NBEA: variants seen among roughly 807,000 people sequenced by gnomAD.
NBEA encodes the protein lysosomal-trafficking regulator 2.
In NBEA, 44 loss-of-function variants were observed where a neutral mutation model predicts 343.4. The observed-to-expected ratio is 0.13, with a 90% confidence interval of 0.10 to 0.16. The LOEUF is 0.16. NBEA is among the 10% of genes least tolerant of loss of function. NBEA has a pLI of 1.00. For missense variants in NBEA, 2,555 were observed against 3,631.3 expected (o/e 0.70, Z 7.62); for synonymous variants, 1,175 against 1,238.7 (o/e 0.95, Z 1.08).
rs534322353 is a variant in NBEA, at chr13:35,349,357, T to C, written c.6012+141T>C. The C allele has an allele frequency of 1.4e-5, 7 of 510,274 alleles. No homozygotes were observed. In the South Asian group the frequency reaches 2.6e-4, roughly 19 times the overall value. 31.6% of individuals were successfully genotyped at this position (510,274 alleles called of 1,614,324 possible). ...TGTTCCTGTTTTTTAAAAGCTTTAG[T>C]AAATGTCAAACAGAGTACTAATATA... On this transcript the variant is annotated intron_variant, in intron 37 of 58. Transcript: ENST00000379939.
intron 1 of NBEA, among the ~76,000 whole-genome samples, chr13:34,993,402 T>G (rs1424708293): frequency 6.6e-6 from 1 of 152,228 alleles, no homozygotes; most frequent in Non-Finnish European, 1.5e-5. Context: ...TAATGCAGTA[T>G]TTTTGTATTC....
chr13:35,100,108 A>G (rs1476126069), intron 11 of NBEA, among the ~76,000 whole-genome samples: 1 of 152,140 alleles, frequency 6.6e-6, no homozygotes, highest in Non-Finnish European at 1.5e-5. Flanking sequence ...CAATTGTTTT[A>G]CATTTGAAAT....
At chr13:35,324,080 T>G (rs2038368165) in intron 36 of NBEA, among the ~76,000 whole-genome samples, 1 of 152,162 alleles carries the variant, frequency 6.6e-6, no homozygotes, top group Admixed American at 6.5e-5. Flanking sequence ...GGCCTTTGCA[T>G]TTGTGGCTGG....
chr13:35,184,155 T>C, intron 30 of NBEA, 84 bp downstream of exon 30: 2 of 1,004,486 alleles, frequency 2.0e-6, no homozygotes, highest in Admixed American at 5.2e-5. Flanking sequence ...ATATACTTGT[T>C]TATAAATAAG....
At chr13:35,110,241 C>T (rs2066134089) in intron 12 of NBEA, among the ~76,000 whole-genome samples, 1 of 140,254 alleles carries the variant, frequency 7.1e-6, no homozygotes, top group Non-Finnish European at 1.5e-5. Flanking sequence ...AGCCAAAAAA[C>T]ACATGAAGAA....
intron 1 of NBEA, among the ~76,000 whole-genome samples, chr13:34,992,190 GTA>G (rs1207702052): frequency 9.1e-5 from 13 of 142,860 alleles, no homozygotes; most frequent in South Asian, 2.2e-4. Flanking sequence ...ATATGTGTGT[GTA>G]TATATATGTG....
intron 41 of NBEA, among the ~76,000 whole-genome samples, chr13:35,541,623 A>T (rs906924722): frequency 6.6e-6 from 1 of 152,028 alleles, no homozygotes; most frequent in African/African-American, 2.4e-5. Context: ...GAAACAATAA[A>T]TGTGGCTTTT....
At chr13:35,070,272 C>G (rs1187721098) in intron 9 of NBEA, among the ~76,000 whole-genome samples, 167 bp downstream of exon 9, 1 of 151,994 alleles carries the variant, frequency 6.6e-6, no homozygotes, top group African/African-American at 2.4e-5. Flanking sequence ...TTTTCTATAG[C>G]AATATACTCT....
chr13:35,446,557 G>C (rs981453993), intron 39 of NBEA, among the ~76,000 whole-genome samples: 12 of 152,088 alleles, frequency 7.9e-5, no homozygotes, highest in East Asian at 1.9e-4. Context: ...GCATGTAAGA[G>C]ATTTTATGTA....
intron 38 of NBEA, among the ~76,000 whole-genome samples, chr13:35,406,723 CAT>C (rs1434921433): frequency 2.6e-5 from 4 of 152,066 alleles, no homozygotes; most frequent in Non-Finnish European, 4.4e-5. Context: ...CCTCTTTAGT[CAT>C]AGATTAAGGA....
intron 38 of NBEA, among the ~76,000 whole-genome samples, chr13:35,426,893 A>G (rs189438980): frequency 1.3e-5 from 2 of 152,000 alleles, no homozygotes; most frequent in East Asian, 1.9e-4. Context: ...CATTCATTTT[A>G]TCTTCCATCG....
At chr13:35,560,193 C>G (rs1320289535) in intron 44 of NBEA, among the ~76,000 whole-genome samples, 1 of 145,552 alleles carries the variant, frequency 6.9e-6, no homozygotes, top group Non-Finnish European at 1.6e-5. Flanking sequence ...AGTCGGGATT[C>G]AAACCTAGGC....
intron 49 of NBEA, among the ~76,000 whole-genome samples, chr13:35,635,391 G>C (rs2083652140): frequency 6.6e-6 from 1 of 152,144 alleles, no homozygotes; most frequent in Non-Finnish European, 1.5e-5. Context: ...GTTATTCTGA[G>C]AAGTGATTGC....
intron 11 of NBEA, among the ~76,000 whole-genome samples, chr13:35,105,327 A>G (rs1286497281): frequency 6.6e-6 from 1 of 152,060 alleles, no homozygotes; most frequent in East Asian, 1.9e-4. Flanking sequence ...AAGGTTGGAA[A>G]GGCAGCAAAA....
intron 1 of NBEA, among the ~76,000 whole-genome samples, chr13:34,957,007 G>A (rs181588178): frequency 6.8e-6 from 1 of 147,536 alleles, no homozygotes; most frequent in South Asian, 2.1e-4. Flanking sequence ...ATATCATGTG[G>A]AATATATATA....
chr13:35,534,359 A>G (rs985888341), intron 41 of NBEA, among the ~76,000 whole-genome samples: 2 of 152,064 alleles, frequency 1.3e-5, no homozygotes, highest in Admixed American at 6.5e-5. Context: ...GACTTCCTCT[A>G]CTTCCTACTG....
intron 41 of NBEA, among the ~76,000 whole-genome samples, chr13:35,481,085 C>T (rs555459605): frequency 1.7e-4 from 26 of 151,968 alleles, no homozygotes; most frequent in African/African-American, 5.1e-4. Context: ...ATTGTTTATT[C>T]TTCACTTGAC....
At chr13:35,128,469 G>A (rs2152683068) in intron 17 of NBEA, among the ~76,000 whole-genome samples, 1 of 152,196 alleles carries the variant, frequency 6.6e-6, no homozygotes, top group Non-Finnish European at 1.5e-5. Context: ...ATCTGAAATG[G>A]GATAAATCTT....
At chr13:35,593,808 T>C (rs1475721601) in intron 47 of NBEA, among the ~76,000 whole-genome samples, 1 of 152,136 alleles carries the variant, frequency 6.6e-6, no homozygotes, top group Admixed American at 6.6e-5. Flanking sequence ...CATATTGTTA[T>C]AGCTTGCCTG....
Sources: allele counts gnomAD v4.1 joint callset (sites outside exome capture counted in the v4.1 genomes callset), GRCh38; gene constraint gnomAD v4.1.1; transcripts MANE v1.5; gene names NCBI Gene and HGNC (gene_info 2026-07-23, HGNC 2026-07-21).